Variants in UTP6 observed in about 807,000 individuals in gnomAD.
UTP6 encodes UTP6 small subunit processome component, also known as U3 small nucleolar RNA-associated protein 6 homolog.
A neutral mutation model predicts 96.5 loss-of-function variants in UTP6; 60 were observed. The ratio of observed to expected loss-of-function variants is 0.62; its 90% CI spans 0.51 to 0.77. The LOEUF is 0.77. Ranked by LOEUF, UTP6 falls within the 30% of genes least tolerant of loss-of-function variation. UTP6 has a pLI of 0.00. For synonymous variants in UTP6, 215 were observed against 240.1 expected, an observed-to-expected ratio of 0.90 and a Z score of 0.96; for missense variants, 637 against 706.5, an observed-to-expected ratio of 0.90 and a Z score of 1.12.
At position 31,892,662 on chromosome 17, in the gene UTP6, A is replaced by G. The variant is rs539772311; in HGVS notation, c.360+85T>C. On this transcript the variant is annotated intron_variant, in intron 5 of 18. Transcript: ENST00000261708. Reference sequence around the variant, plus strand: ...TTTTTTCATGTTAACCCTACACTTCAGGAAAAAACATCTGGCATGAAGCTT... The same window carrying G: ...TTTTTTCATGTTAACCCTACACTTCGGGAAAAAACATCTGGCATGAAGCTT... The G allele has an allele frequency of 1.3e-5, 20 of 1,558,690 alleles. No individual in the cohort carries two copies. The East Asian group carries it at 4.0e-4, about 32-fold the overall frequency.
intron 13 of UTP6, among the ~76,000 whole-genome samples, chr17:31,877,198 C>T (rs1300089596): frequency 6.6e-6 from 1 of 151,934 alleles, no homozygotes; most frequent in African/African-American, 2.4e-5. Context: ...TTTGGGACTT[C>T]TACATTAACA....
chr17:31,894,611 A>G, intron 4 of UTP6, 34 bp downstream of exon 4: 3 of 1,441,468 alleles, frequency 2.1e-6, no homozygotes, highest in Non-Finnish European at 2.9e-6. Context: ...TTATCTTCAC[A>G]TCTCATAAAG....
At chr17:31,875,474 T>C in intron 13 of UTP6, 61 bp from the exon 14 acceptor site, 1 of 1,560,266 alleles carries the variant, frequency 6.4e-7, no homozygotes, top group South Asian at 1.2e-5. Flanking sequence ...TCTATGTAAA[T>C]GTAAACCTAT....
At chr17:31,872,849 T>C (rs1014017941) in intron 16 of UTP6, among the ~76,000 whole-genome samples, 3 of 146,668 alleles carry the variant, frequency 2.0e-5, no homozygotes, top group Admixed American at 6.8e-5. Flanking sequence ...ATTACAAAAT[T>C]AGCCGGGCGT....
At chr17:31,872,030 C>T (rs919894707) in intron 16 of UTP6, among the ~76,000 whole-genome samples, 5 of 151,812 alleles carry the variant, frequency 3.3e-5, no homozygotes, top group Non-Finnish European at 7.4e-5. Flanking sequence ...CCCTTATCTA[C>T]TAAAAATATA....
chr17:31,867,186 A>G (rs779854906), intron 17 of UTP6, among the ~76,000 whole-genome samples: 5 of 152,154 alleles, frequency 3.3e-5, no homozygotes, highest in Non-Finnish European at 5.9e-5. Context: ...CTATACTATA[A>G]AACTGTTCTA....
At chr17:31,876,885 G>A (rs907818504) in intron 13 of UTP6, among the ~76,000 whole-genome samples, 4 of 151,972 alleles carry the variant, frequency 2.6e-5, no homozygotes, top group African/African-American at 9.7e-5. Flanking sequence ...GTTGGTGCAC[G>A]CCTGTAATCC....
intron 11 of UTP6, 175 bp downstream of exon 11, chr17:31,880,398 G>T (rs926205552): frequency 2.8e-6 from 2 of 712,692 alleles, no homozygotes; most frequent in African/African-American, 1.8e-5. Context: ...TCCAGCCAGG[G>T]TGACAGAACA....
Position 31,894,665 on chromosome 17 carries a change from G to A in UTP6, c.292C>T (p.Arg98Cys), listed in dbSNP as rs1331197576. 6.8e-6 allele frequency: 11 copies of A among 1,609,766 alleles called. No homozygotes were observed. In the East Asian group the frequency reaches 1.3e-4, roughly 20 times the overall value. ...CTCACTTTCCATTTTGCTGAGGCAC[G>A]CTGGAAAACACCTTGTACCCGGTGT... The part of the protein sequence containing the change: ...IVHRVQGVFQ[R>C]ASAKWKDDVQ... Residue 98 changes from arginine to cysteine, a missense_variant, in exon 4 of 19, where the codon CGT becomes TGT. Arg to Cys is a radical substitution (Grantham distance 180, BLOSUM62 -3). Coordinates refer to ENST00000261708, the MANE Select transcript of UTP6 (RefSeq NM_018428.3).
At chr17:31,873,908 C>T (rs1910340185) in intron 14 of UTP6, 155 bp from the exon 15 acceptor site, 2 of 736,590 alleles carry the variant, frequency 2.7e-6, no homozygotes, top group South Asian at 4.3e-5. Flanking sequence ...AAGGCAGGTT[C>T]CTCCTAAGAT....
At chr17:31,873,806 G>T in intron 14 of UTP6, 53 bp from the exon 15 acceptor site, 1 of 1,535,762 alleles carries the variant, frequency 6.5e-7, no homozygotes, top group South Asian at 1.2e-5. Context: ...ACAAAACATC[G>T]CATGTACCCT....
At chr17:31,893,951 T>G (rs181043629) in intron 4 of UTP6, among the ~76,000 whole-genome samples, 68 of 151,896 alleles carry the variant, frequency 4.5e-4, no homozygotes, top group African/African-American at 1.3e-3. Context: ...AATATAAAAT[T>G]TGTCATTACC....
chr17:31,865,336 T>A, intron 18 of UTP6, 30 bp downstream of exon 18: 1 of 1,605,906 alleles, frequency 6.2e-7, no homozygotes, highest in Non-Finnish European at 8.5e-7. Context: ...CTAACCATAC[T>A]AATTGGTCAC....
At position 31,868,051 on chromosome 17, in the gene UTP6, C is replaced by T. The variant is rs539111208; in HGVS notation, c.1558G>A (p.Glu520Lys). The change falls in exon 17 of 19, where the codon GAG becomes AAG. Residue 520 changes from glutamate (E) to lysine (K), a missense_variant. By Grantham distance (56) the Glu-to-Lys change is moderately conservative. Transcript: ENST00000261708. ...FFRKMIQFEK[E>K]QESCNMANIR... ...TGCTGAAACAGAACACTTACTTGCT[C>T]CTTTTCAAACTGAATCATTTTCCTG... 1.1e-5 allele frequency: 18 copies of T among 1,613,016 alleles called. No individual in the cohort carries two copies. Among genetic ancestry groups the T allele is most frequent in the African/African-American group, 1.3e-5 (1 of 74,882 alleles).
intron 10 of UTP6, among the ~76,000 whole-genome samples, chr17:31,881,517 C>T (rs971401537): frequency 2.6e-5 from 4 of 152,088 alleles, no homozygotes; most frequent in African/African-American, 9.7e-5. Flanking sequence ...GATCCTCCTG[C>T]CTTGGGCTCC....
intron 16 of UTP6, among the ~76,000 whole-genome samples, chr17:31,871,538 A>T (rs1052860620): frequency 4.6e-5 from 7 of 152,092 alleles, no homozygotes; most frequent in Non-Finnish European, 7.4e-5. Context: ...ACTGGAAGCC[A>T]TAAGGTCAAG....
chr17:31,868,789 C>T (rs74744301), intron 16 of UTP6, among the ~76,000 whole-genome samples: 1 of 152,080 alleles, frequency 6.6e-6, no homozygotes, highest in African/African-American at 2.4e-5. Context: ...AAATATTCAT[C>T]AAAACAGTAT....
chr17:31,877,925 C>A (rs1038476421), intron 13 of UTP6, among the ~76,000 whole-genome samples: 2 of 150,852 alleles, frequency 1.3e-5, no homozygotes, highest in African/African-American at 4.9e-5. Context: ...TGAGATCGCG[C>A]CACTGTGCTC....
chr17:31,875,801 C>A (rs1210469169), intron 13 of UTP6, among the ~76,000 whole-genome samples: 1 of 142,098 alleles, frequency 7.0e-6, no homozygotes, highest in Non-Finnish European at 1.5e-5. Flanking sequence ...CCAACCTCGG[C>A]GACAGAGCAA....
Sources: allele counts gnomAD v4.1 joint callset (sites outside exome capture counted in the v4.1 genomes callset), GRCh38; gene constraint gnomAD v4.1.1; transcripts MANE v1.5; gene names NCBI Gene and HGNC (gene_info 2026-07-23, HGNC 2026-07-21).